KYNU: variants seen among roughly 807,000 people sequenced by gnomAD.
KYNU encodes L-kynurenine hydrolase.
Under a neutral mutation model 59.2 loss-of-function variants are expected in KYNU, and 54 were observed. That is an observed-to-expected ratio of 0.91 (90% CI 0.73 to 1.14). The LOEUF (loss-of-function observed/expected upper bound fraction) is 1.14, where lower values mean the gene tolerates loss of function less well. Among genes scored for constraint, KYNU ranks in the 50% most tolerant of loss-of-function variants. The pLI, the probability that KYNU is intolerant of heterozygous loss-of-function variation, is 0.00. For missense variants in KYNU, 567 were observed against 554.4 expected (o/e 1.02, Z -0.23); for synonymous variants, 177 against 192.0 (o/e 0.92, Z 0.65).
intron 10 of KYNU, among the ~76,000 whole-genome samples, chr2:142,994,951 A>T (rs917433151): frequency 6.6e-6 from 1 of 152,096 alleles, no homozygotes; most frequent in Non-Finnish European, 1.5e-5. Flanking sequence ...AAATATATCC[A>T]TGAAAACTAG....
intron 10 of KYNU, among the ~76,000 whole-genome samples, chr2:143,000,542 A>G (rs1255186744): frequency 6.6e-6 from 1 of 152,236 alleles, no homozygotes. Flanking sequence ...TCAGGCAGTC[A>G]TCAGCATGTC....
chr2:143,006,382 C>T (rs1685895616), intron 10 of KYNU, among the ~76,000 whole-genome samples: 1 of 151,952 alleles, frequency 6.6e-6, no homozygotes, highest in Non-Finnish European at 1.5e-5. Context: ...AGATTATATC[C>T]CACACCTGGC....
At chr2:142,901,920 C>T (rs951804043) in intron 2 of KYNU, among the ~76,000 whole-genome samples, 2 of 152,186 alleles carry the variant, frequency 1.3e-5, no homozygotes, top group African/African-American at 4.8e-5. Flanking sequence ...TAGGTTTGAA[C>T]AATTACCTGT....
At chr2:142,908,542 A>T (rs537069425) in intron 2 of KYNU, among the ~76,000 whole-genome samples, 75 of 152,302 alleles carry the variant, frequency 4.9e-4, no homozygotes, top group Admixed American at 4.8e-3. Context: ...ACACCAAAAA[A>T]ATTTAGAGTT....
chr2:142,920,712 C>T (rs1682851504), intron 3 of KYNU, among the ~76,000 whole-genome samples: 1 of 152,152 alleles, frequency 6.6e-6, no homozygotes, highest in Non-Finnish European at 1.5e-5. Flanking sequence ...AGGCAATGTA[C>T]AGTGAATTAA....
At chr2:143,013,703 T>C (rs1295617413) in intron 10 of KYNU, among the ~76,000 whole-genome samples, 1 of 152,232 alleles carries the variant, frequency 6.6e-6, no homozygotes, top group Non-Finnish European at 1.5e-5. Flanking sequence ...GTTGTTTTTC[T>C]CAGTAAATTT....
chr2:142,962,188 A>G (rs1684377902), intron 8 of KYNU, among the ~76,000 whole-genome samples: 3 of 152,234 alleles, frequency 2.0e-5, no homozygotes, highest in South Asian at 4.1e-4. Context: ...CGTATGTCTC[A>G]TTAACCTTCC....
chr2:143,012,973 T>C (rs1279270478), intron 10 of KYNU, among the ~76,000 whole-genome samples: 2 of 152,196 alleles, frequency 1.3e-5, no homozygotes, highest in Non-Finnish European at 2.9e-5. Flanking sequence ...GTCTGGCTTT[T>C]TTCTTTCTTT....
chr2:142,970,764 C>T (rs1219854143), intron 8 of KYNU, among the ~76,000 whole-genome samples: 1 of 152,182 alleles, frequency 6.6e-6, no homozygotes, highest in Non-Finnish European at 1.5e-5. Context: ...ATAACTTCAG[C>T]TCTTTATGAT....
chr2:142,878,830 C>G (rs891713650), intron 1 of KYNU, among the ~76,000 whole-genome samples: 1 of 152,110 alleles, frequency 6.6e-6, no homozygotes, highest in African/African-American at 2.4e-5. Context: ...AAAAATATTA[C>G]AAACTATCTT....
chr2:143,030,699 T>G (rs1220089754), intron 11 of KYNU, among the ~76,000 whole-genome samples: 1 of 152,078 alleles, frequency 6.6e-6, no homozygotes, highest in East Asian at 1.9e-4. Context: ...CTTGCTATGT[T>G]GTCCAAGCTG....
intron 10 of KYNU, among the ~76,000 whole-genome samples, chr2:142,999,007 C>CAAAA (rs59742828): frequency 4.7e-5 from 3 of 63,476 alleles, no homozygotes; most frequent in Non-Finnish European, 9.0e-5. Context: ...GACTCCGTCT[C>CAAAA]AAAAAAAAAA....
intron 2 of KYNU, among the ~76,000 whole-genome samples, chr2:142,909,478 T>C (rs1387594727): frequency 6.6e-6 from 1 of 152,206 alleles, no homozygotes; most frequent in African/African-American, 2.4e-5. Context: ...TTGTACCCAA[T>C]AGGTAGTATA....
At chr2:142,996,089 G>C (rs902706982) in intron 10 of KYNU, among the ~76,000 whole-genome samples, 10 of 152,044 alleles carry the variant, frequency 6.6e-5, no homozygotes, top group Admixed American at 5.3e-4. Flanking sequence ...TGAAGATCTT[G>C]ACTAGGGGAC....
chr2:142,989,003 C>A (rs987895115), intron 10 of KYNU: 1 of 895,938 alleles, frequency 1.1e-6, no homozygotes, highest in Non-Finnish European at 1.8e-6. Context: ...TTTTTATTCA[C>A]CTGAAAATCA....
At chr2:142,893,811 T>C (rs896346138) in intron 2 of KYNU, among the ~76,000 whole-genome samples, 5 of 152,176 alleles carry the variant, frequency 3.3e-5, no homozygotes, top group Admixed American at 6.5e-5. Context: ...AAGACAATCT[T>C]TCCCTACTCT....
chr2:142,984,468 A>C (rs941386286), intron 8 of KYNU, among the ~76,000 whole-genome samples: 15 of 152,058 alleles, frequency 9.9e-5, no homozygotes, highest in African/African-American at 3.6e-4. Context: ...ACACATGTGA[A>C]TCGTCATTGT....
At chr2:142,901,839 G>T (rs1486385482) in intron 2 of KYNU, among the ~76,000 whole-genome samples, 5 of 152,068 alleles carry the variant, frequency 3.3e-5, no homozygotes, top group African/African-American at 1.2e-4. Flanking sequence ...TTTTACAAAG[G>T]AATTTTCATT....
At chr2:142,890,601 T>C (rs1326005254) in intron 2 of KYNU, among the ~76,000 whole-genome samples, 1 of 152,096 alleles carries the variant, frequency 6.6e-6, no homozygotes, top group African/African-American at 2.4e-5. Context: ...CCTTAGCTCC[T>C]GGGGTAGCTG....
Sources: allele counts gnomAD v4.1 joint callset (sites outside exome capture counted in the v4.1 genomes callset), GRCh38; gene constraint gnomAD v4.1.1; transcripts MANE v1.5; gene names NCBI Gene and HGNC (gene_info 2026-07-23, HGNC 2026-07-21).